SACM1L: variants seen among roughly 807,000 people sequenced by gnomAD.
The protein encoded by SACM1L is SAC1 like phosphatidylinositide phosphatase, also known as phosphatidylinositol-3-phosphatase SAC1.
SACM1L carries 32 observed loss-of-function variants against 89.5 expected under a neutral mutation model. The observed-to-expected ratio is 0.36, with a 90% confidence interval of 0.27 to 0.48. The LOEUF (loss-of-function observed/expected upper bound fraction) is 0.48. Ranked by LOEUF, SACM1L falls within the 20% of genes least tolerant of loss-of-function variation. SACM1L has a pLI of 0.99. For synonymous variants in SACM1L, 213 were observed against 232.8 expected (o/e 0.92, Z 0.77); for missense variants, 543 against 708.5 (o/e 0.77, Z 2.65).
intron 8 of SACM1L, among the ~76,000 whole-genome samples, chr3:45,721,444 C>A (rs1487503892): frequency 6.6e-6 from 1 of 152,212 alleles, no homozygotes; most frequent in Non-Finnish European, 1.5e-5. Flanking sequence ...ATCGCTTGAA[C>A]CCGGGAAGCG....
At chr3:45,705,004 G>T in intron 2 of SACM1L, 131 bp from the exon 3 acceptor site, 1 of 597,654 alleles carries the variant, frequency 1.7e-6, no homozygotes, top group South Asian at 2.0e-5. Flanking sequence ...TTAAGTTAAG[G>T]AATGTTGCTT....
intron 9 of SACM1L, 50 bp downstream of exon 9, chr3:45,722,135 G>C (rs1197851674): frequency 2.8e-6 from 3 of 1,088,668 alleles, no homozygotes; most frequent in Non-Finnish European, 4.1e-6. Flanking sequence ...TTTTCTGCTT[G>C]GATTATAATT....
At chr3:45,704,989 T>C in intron 2 of SACM1L, 146 bp from the exon 3 acceptor site, 1 of 569,248 alleles carries the variant, frequency 1.8e-6, no homozygotes, top group Non-Finnish European at 3.1e-6. Context: ...CTATCAATAG[T>C]GCATTTAAGT....
chr3:45,689,646 T>A, intron 1 of SACM1L, 149 bp downstream of exon 1: 1 of 931,080 alleles, frequency 1.1e-6, no homozygotes, highest in Non-Finnish European at 1.6e-6. Flanking sequence ...GCGCGGCCTC[T>A]CCTAGGCCTC....
In SACM1L at chr3:45,689,449, G is replaced by A. The variant is rs990140775; in HGVS notation, c.-17G>A. On this transcript the variant is annotated 5_prime_UTR_variant, in exon 1 of 20. Transcript: ENST00000389061. ...GCGGGGCGGGCGGAGAGAGAAGGAA[G>A]GAGGTGGTTGTGCAGGATGGCGACG... 1.9e-6 allele frequency: 3 copies of A among 1,563,578 alleles called. No individual in the cohort carries two copies. Among genetic ancestry groups the A allele is most frequent in the Non-Finnish European group, 1.7e-6 (2 of 1,154,566 alleles).
chr3:45,710,721 T>C (rs758226118), intron 5 of SACM1L, among the ~76,000 whole-genome samples: 26 of 152,130 alleles, frequency 1.7e-4, no homozygotes, highest in Non-Finnish European at 3.2e-4. Context: ...TTGACCATTT[T>C]TGACCAATAA....
intron 1 of SACM1L, among the ~76,000 whole-genome samples, chr3:45,693,401 C>G (rs1246305782): frequency 6.6e-6 from 1 of 152,180 alleles, no homozygotes; most frequent in Non-Finnish European, 1.5e-5. Flanking sequence ...AGACCACGTA[C>G]TAGCACTGCA....
intron 1 of SACM1L, among the ~76,000 whole-genome samples, chr3:45,694,560 AC>A (rs972908025): frequency 2.6e-5 from 4 of 152,172 alleles, no homozygotes; most frequent in Admixed American, 1.3e-4. Flanking sequence ...GTTCAGGCTT[AC>A]CTAGGCTCAC....
At position 45,730,307 on chromosome 3, in the gene SACM1L, G is replaced by GT. The variant is rs553394903; in HGVS notation, c.922-986dup. Among the ~76,000 whole-genome samples, 614 of 148,298 alleles carry GT rather than the reference G, an allele frequency of 4.1e-3. 12 individuals are homozygous for GT. The East Asian group carries it at 0.047, about 11-fold the overall frequency. The stretch of plus-strand genomic sequence containing the variant: ...TCCTTTTCCCCTACGGTTTGCTGGG[G>GT]TTTTTTTTGTTTTATTTGATTGTTA... On this transcript the variant is annotated intron_variant, in intron 11 of 19. Transcript: ENST00000389061.
At chr3:45,708,075 A>T (rs1448980905) in intron 4 of SACM1L, among the ~76,000 whole-genome samples, 2 of 152,120 alleles carry the variant, frequency 1.3e-5, no homozygotes, top group African/African-American at 2.4e-5. Context: ...ATAACTTACA[A>T]TAGAGTTTTT....
intron 11 of SACM1L, among the ~76,000 whole-genome samples, chr3:45,723,934 A>G (rs917897242): frequency 6.1e-5 from 9 of 147,000 alleles, no homozygotes; most frequent in African/African-American, 2.0e-4. Flanking sequence ...TCCATTGTGT[A>G]TGTGTATGCA....
chr3:45,722,817 A>G, intron 9 of SACM1L, 52 bp from the exon 10 acceptor site: 1 of 1,365,640 alleles, frequency 7.3e-7, no homozygotes, highest in South Asian at 1.2e-5. Context: ...AAGTAAGGTG[A>G]GAAAAACAAG....
At chr3:45,709,855 G>C (rs1169072957) in intron 5 of SACM1L, among the ~76,000 whole-genome samples, 1 of 152,162 alleles carries the variant, frequency 6.6e-6, no homozygotes, top group Non-Finnish European at 1.5e-5. Flanking sequence ...CCAGAATTGA[G>C]AATCACTGGT....
At chr3:45,711,508 A>G (rs773906978) in intron 5 of SACM1L, among the ~76,000 whole-genome samples, 1 of 152,010 alleles carries the variant, frequency 6.6e-6, no homozygotes, top group Non-Finnish European at 1.5e-5. Flanking sequence ...CGCACCTGCA[A>G]TCCCAGCTAC....
At chr3:45,695,743 T>G (rs1698106666) in intron 1 of SACM1L, among the ~76,000 whole-genome samples, 1 of 152,236 alleles carries the variant, frequency 6.6e-6, no homozygotes, top group Non-Finnish European at 1.5e-5. Flanking sequence ...CACATTCATG[T>G]TGTACAACCG....
chr3:45,735,678 G>T (rs559880550), intron 14 of SACM1L, among the ~76,000 whole-genome samples: 1 of 152,170 alleles, frequency 6.6e-6, no homozygotes, highest in Admixed American at 6.5e-5. Context: ...ACACCGTAGA[G>T]AATATATCTG....
chr3:45,701,481 T>G (rs1354036605), intron 1 of SACM1L, among the ~76,000 whole-genome samples: 1 of 152,210 alleles, frequency 6.6e-6, no homozygotes, highest in African/African-American at 2.4e-5. Flanking sequence ...TGTGCTTCCA[T>G]AAAACATCTT....
chr3:45,708,750 A>G (rs925146287), intron 4 of SACM1L, among the ~76,000 whole-genome samples: 14 of 152,172 alleles, frequency 9.2e-5, no homozygotes, highest in African/African-American at 3.4e-4. Flanking sequence ...AACATGTCTG[A>G]GCACAAATAA....
chr3:45,723,950 G>GCA (rs762724452), intron 11 of SACM1L, among the ~76,000 whole-genome samples: 23 of 117,448 alleles, frequency 2.0e-4, no homozygotes, highest in Admixed American at 1.3e-3. Context: ...ATGCATATAT[G>GCA]CACACACACA....
Sources: gnomAD v4.1 joint callset for allele counts (sites outside exome capture counted in the v4.1 genomes callset) on GRCh38, gnomAD v4.1.1 for gene constraint, MANE v1.5 for transcripts, NCBI Gene and HGNC (gene_info 2026-07-23, HGNC 2026-07-21) for gene names.